The following ROR1 variants were observed in gnomAD, a reference collection of about 807,000 sequenced individuals.
ROR1 encodes the protein ROR family WNT receptor 1, also known as inactive tyrosine-protein kinase transmembrane receptor ROR1.
A neutral mutation model predicts 78.8 loss-of-function variants in ROR1; 19 were observed. The observed-to-expected ratio is 0.24, with a 90% CI of 0.17 to 0.35. ROR1 has a LOEUF of 0.35. Ranked by LOEUF, ROR1 falls within the 10% of genes least tolerant of loss-of-function variation. The pLI, the probability that ROR1 is intolerant of heterozygous loss-of-function variation, is 1.00. For missense variants in ROR1, 917 were observed against 1,177.8 expected (o/e 0.78, Z 3.24); for synonymous variants, 386 against 433.6 (o/e 0.89, Z 1.36).
At chr1:63,830,400 TG>T (rs942389816) in intron 1 of ROR1, among the ~76,000 whole-genome samples, 1 of 152,098 alleles carries the variant, frequency 6.6e-6, no homozygotes, top group Non-Finnish European at 1.5e-5. Context: ...TCTGCATGGC[TG>T]GGGGGTCTCA....
chr1:64,161,204 A>G (rs184074613), intron 8 of ROR1, among the ~76,000 whole-genome samples: 3 of 152,370 alleles, frequency 2.0e-5, no homozygotes, highest in Admixed American at 2.0e-4. Context: ...TTACTATTGT[A>G]CAACCAGGGT....
intron 4 of ROR1, among the ~76,000 whole-genome samples, chr1:64,097,581 A>G (rs1458751798): frequency 1.3e-5 from 2 of 150,946 alleles, no homozygotes; most frequent in Non-Finnish European, 1.5e-5. Context: ...TATAGTATAT[A>G]TATATATAAG....
intron 1 of ROR1, among the ~76,000 whole-genome samples, chr1:63,881,440 A>G (rs752655196): frequency 9.2e-5 from 14 of 152,218 alleles, no homozygotes; most frequent in Admixed American, 2.6e-4. Context: ...CCCTGCATGC[A>G]TAAGTATCAC....
chr1:63,939,564 C>T (rs540814451), intron 1 of ROR1, among the ~76,000 whole-genome samples: 38 of 152,174 alleles, frequency 2.5e-4, no homozygotes, highest in African/African-American at 7.7e-4. Context: ...GTAAGTTAAA[C>T]GAAATACAAA....
chr1:63,873,653 T>C (rs1157918982), intron 1 of ROR1, among the ~76,000 whole-genome samples: 1 of 152,194 alleles, frequency 6.6e-6, no homozygotes, highest in Non-Finnish European at 1.5e-5. Flanking sequence ...GAAAATTCAT[T>C]ATCCTATCTA....
intron 1 of ROR1, among the ~76,000 whole-genome samples, chr1:63,933,094 CTT>C (rs941366620): frequency 6.6e-6 from 1 of 152,148 alleles, no homozygotes; most frequent in Non-Finnish European, 1.5e-5. Context: ...AACTGACCCT[CTT>C]TTTAATTTTC....
intron 4 of ROR1, among the ~76,000 whole-genome samples, chr1:64,082,078 A>T (rs1647107655): frequency 1.3e-5 from 2 of 152,170 alleles, no homozygotes; most frequent in African/African-American, 4.8e-5. Flanking sequence ...TTTTGGAGTC[A>T]TAGATGTTTT....
intron 1 of ROR1, among the ~76,000 whole-genome samples, chr1:63,806,766 C>T (rs139380801): frequency 6.6e-6 from 1 of 151,964 alleles, no homozygotes; most frequent in African/African-American, 2.4e-5. Context: ...TTCAAGTTTT[C>T]TTTCCTTGTC....
chr1:64,170,360 T>G (rs1322974772), intron 8 of ROR1, among the ~76,000 whole-genome samples: 1 of 152,226 alleles, frequency 6.6e-6, no homozygotes, highest in Non-Finnish European at 1.5e-5. Context: ...CTCCAACCTC[T>G]GAAGCCACAG....
chr1:64,170,347 G>T (rs1030446976), intron 8 of ROR1, among the ~76,000 whole-genome samples: 4 of 152,266 alleles, frequency 2.6e-5, no homozygotes, highest in Non-Finnish European at 4.4e-5. Flanking sequence ...CAAGCCTTGG[G>T]ACCTCCAACC....
chr1:64,068,734 T>C (rs576227580), intron 4 of ROR1, among the ~76,000 whole-genome samples: 6 of 152,314 alleles, frequency 3.9e-5, no homozygotes, highest in Non-Finnish European at 5.9e-5. Flanking sequence ...TCCATTGTGA[T>C]AGAAATTTTT....
intron 1 of ROR1, among the ~76,000 whole-genome samples, chr1:63,884,460 C>G (rs1367568931): frequency 2.6e-5 from 4 of 152,098 alleles, no homozygotes; most frequent in Non-Finnish European, 5.9e-5. Flanking sequence ...AAGCCTGACC[C>G]CTTTCATTTT....
At chr1:63,785,445 G>C (rs555454002) in intron 1 of ROR1, among the ~76,000 whole-genome samples, 2 of 151,922 alleles carry the variant, frequency 1.3e-5, no homozygotes, top group East Asian at 3.9e-4. Context: ...GCCTGTTGGA[G>C]ACCAGTGGTG....
chr1:63,918,306 C>T (rs1016929029), intron 1 of ROR1, among the ~76,000 whole-genome samples: 2 of 152,222 alleles, frequency 1.3e-5, no homozygotes, highest in African/African-American at 4.8e-5. Context: ...AGCAGCACAT[C>T]ATACGACAGG....
At chr1:64,136,422 C>T (rs989507563) in intron 4 of ROR1, among the ~76,000 whole-genome samples, 1 of 149,708 alleles carries the variant, frequency 6.7e-6, no homozygotes, top group Non-Finnish European at 1.5e-5. Context: ...AACTTATACA[C>T]GTGGCAGGCA....
chr1:63,961,923 G>A (rs1189986301), intron 1 of ROR1, among the ~76,000 whole-genome samples: 2 of 152,122 alleles, frequency 1.3e-5, no homozygotes, highest in Non-Finnish European at 2.9e-5. Flanking sequence ...ACTATGCATT[G>A]TGTACATATA....
At chr1:63,840,190 T>A (rs542129105) in intron 1 of ROR1, among the ~76,000 whole-genome samples, 6 of 152,160 alleles carry the variant, frequency 3.9e-5, no homozygotes, top group Non-Finnish European at 8.8e-5. Flanking sequence ...GTGTTTGGTA[T>A]GAAGCATTAA....
chr1:64,031,566 C>T (rs1026267204), intron 2 of ROR1, among the ~76,000 whole-genome samples: 6 of 152,208 alleles, frequency 3.9e-5, no homozygotes, highest in Non-Finnish European at 5.9e-5. Flanking sequence ...AGAGTCTCTT[C>T]ATACAAATGG....
intron 8 of ROR1, among the ~76,000 whole-genome samples, chr1:64,162,288 A>T (rs1649967649): frequency 6.6e-6 from 1 of 152,186 alleles, no homozygotes; most frequent in Non-Finnish European, 1.5e-5. Context: ...AGCCGCTAAA[A>T]TTCTCCTGAG....
Sources: gnomAD v4.1 joint callset for allele counts (sites outside exome capture counted in the v4.1 genomes callset) on GRCh38, gnomAD v4.1.1 for gene constraint, MANE v1.5 for transcripts, NCBI Gene and HGNC (gene_info 2026-07-23, HGNC 2026-07-21) for gene names.